The following NFIC variants were observed in gnomAD, a reference collection of about 807,000 sequenced individuals.
The protein encoded by NFIC is nuclear factor I C.
NFIC carries 12 observed loss-of-function variants against 54.4 expected under a neutral mutation model. The observed-to-expected ratio is 0.22, with a 90% CI of 0.14 to 0.36. The LOEUF is 0.36. Ranked by LOEUF, NFIC falls within the 10% of genes least tolerant of loss-of-function variation. NFIC has a pLI of 1.00. For missense variants in NFIC, 575 were observed against 718.2 expected (o/e 0.80, Z 2.28); for synonymous variants, 322 against 319.2 (o/e 1.01, Z -0.09).
At chr19:3,403,790 A>C (rs2081594465) in intron 2 of NFIC, among the ~76,000 whole-genome samples, 2 of 152,100 alleles carry the variant, frequency 1.3e-5, no homozygotes, top group Non-Finnish European at 2.9e-5. Flanking sequence ...TATCAGAAGG[A>C]AGGGGAAGCC....
At chr19:3,381,009 C>T (rs2081196709) in intron 1 of NFIC, among the ~76,000 whole-genome samples, 1 of 152,090 alleles carries the variant, frequency 6.6e-6, no homozygotes, top group Non-Finnish European at 1.5e-5. Context: ...TTCTCCCAAC[C>T]TCAGTTTTAC....
At chr19:3,407,130 T>C (rs988768919) in intron 2 of NFIC, among the ~76,000 whole-genome samples, 2 of 152,192 alleles carry the variant, frequency 1.3e-5, no homozygotes, top group African/African-American at 4.8e-5. Flanking sequence ...TTTTTTGTTT[T>C]TGAGGTGGAG....
rs1472073734 is a variant in NFIC, at chr19:3,463,932, C to T, written c.*1163C>T. Reference sequence around the variant, plus strand: ...CCTCCCCTCCAGCCTCTCCACCAGCCCCTCCAGTCAACCCTCATCGCCGTG... The same window carrying T: ...CCTCCCCTCCAGCCTCTCCACCAGCTCCTCCAGTCAACCCTCATCGCCGTG... On this transcript the variant is annotated 3_prime_UTR_variant, in exon 11 of 11. Coordinates refer to ENST00000443272, the MANE Select transcript of NFIC (RefSeq NM_001245002.2). 6 of 984,004 alleles carry T rather than the reference C, an allele frequency of 6.1e-6. No homozygotes were observed. The highest frequency in any genetic ancestry group is 7.2e-6 in the Non-Finnish European group (6 of 828,922). 61.0% of individuals were successfully genotyped at this position (984,004 alleles called of 1,614,324 possible). A position where few individuals can be genotyped will look rare whatever the true frequency, so the allele number is the denominator to read the frequency against.
chr19:3,438,519 G>C (rs1298703000), intron 6 of NFIC, among the ~76,000 whole-genome samples: 1 of 148,924 alleles, frequency 6.7e-6, no homozygotes, highest in Non-Finnish European at 1.5e-5. Context: ...CTCACTGCAA[G>C]CTCCGCTTCC....
chr19:3,369,390 C>G lies in NFIC; in HGVS notation c.30+2724C>G, dbSNP rs1008647400. Among the ~76,000 whole-genome samples, 8 of 152,178 alleles carry G rather than the reference C, an allele frequency of 5.3e-5. No individual in the cohort carries two copies. The highest frequency in any genetic ancestry group is 7.4e-5 in the Non-Finnish European group (5 of 68,024). On this transcript the variant is annotated intron_variant, in intron 1 of 10. Coordinates refer to ENST00000443272, the MANE Select transcript of NFIC (RefSeq NM_001245002.2). The surrounding 1 kb of genome is among the most constrained non-coding windows in gnomAD (Gnocchi z 4.3). ...TGTCTCCTTACTCCTCTCTCTCTGT[C>G]TCTCTCTGTCTCTGGGCCTCCCTCT... is the stretch of plus-strand genomic sequence containing the variant.
At chr19:3,401,557 C>T (rs1008647547) in intron 2 of NFIC, among the ~76,000 whole-genome samples, 2 of 152,170 alleles carry the variant, frequency 1.3e-5, no homozygotes, top group Non-Finnish European at 2.9e-5. Flanking sequence ...GGGAAGGGAG[C>T]GGCGCAGCAC....
intron 2 of NFIC, among the ~76,000 whole-genome samples, chr19:3,387,572 G>T (rs780272894): frequency 1.3e-5 from 2 of 152,098 alleles, no homozygotes; most frequent in African/African-American, 2.4e-5. Context: ...GGACATGGAG[G>T]GGGGCTGGGG....
chr19:3,462,434 C>G (rs1439085523), intron 10 of NFIC, among the ~76,000 whole-genome samples: 1 of 152,146 alleles, frequency 6.6e-6, no homozygotes, highest in East Asian at 1.9e-4. Context: ...ATAAATGGAT[C>G]TTTTGTGTGT....
At chr19:3,451,615 A>G (rs2082463800) in intron 7 of NFIC, among the ~76,000 whole-genome samples, 1 of 146,632 alleles carries the variant, frequency 6.8e-6, no homozygotes, top group African/African-American at 2.6e-5. Context: ...TGGGTGACAA[A>G]GCGAGATTCT....
intron 9 of NFIC, 50 bp from the exon 10 acceptor site, chr19:3,456,500 G>A (rs1162965593): frequency 1.3e-6 from 2 of 1,537,264 alleles, no homozygotes; most frequent in African/African-American, 2.8e-5. Context: ...GGCCGCCCCG[G>A]CTCCCACAAC....
rs1186312058 is a variant in NFIC at position 3,465,457 on chromosome 19, A to G, written c.*2688A>G. 1 of 146,364 alleles carries G rather than the reference A, an allele frequency of 6.8e-6. No individual in the cohort carries two copies. The highest frequency in any genetic ancestry group is 1.5e-5 in the Non-Finnish European group (1 of 66,574). 9.1% of individuals were successfully genotyped at this position (146,364 alleles called of 1,614,324 possible). On this transcript the variant is annotated 3_prime_UTR_variant, in exon 11 of 11. Transcript: ENST00000443272. ...AAAAAAAAAAAAAAAAAAAAAAAGGAAGAAAAACCACGCTAAAAATCAAGC... is the reference window on the plus strand; with the variant it reads ...AAAAAAAAAAAAAAAAAAAAAAAGGGAGAAAAACCACGCTAAAAATCAAGC...
Position 3,453,802 on chromosome 19 carries a change from C to T in NFIC, c.1309C>T (p.Leu437Phe). 6.2e-7 allele frequency: 1 copy of T among 1,606,534 alleles called. No homozygotes were observed. The highest frequency in any genetic ancestry group is 8.5e-7 in the Non-Finnish European group (1 of 1,176,916). ...TCAGCTCAAAATGCCCAGCCACTGCCTTTCTGCTCAGATGCTGGCACCTCC... is the reference window on the plus strand; with the variant it reads ...TCAGCTCAAAATGCCCAGCCACTGCTTTTCTGCTCAGATGCTGGCACCTCC... Reference protein sequence around the residue: ...SGQLKMPSHCLSAQMLAPPPP... With the variant: ...SGQLKMPSHCFSAQMLAPPPP... Residue 437 changes from leucine to phenylalanine, a missense_variant, in exon 9 of 11, where the codon CTT (leucine) becomes TTT (phenylalanine). By Grantham distance (22) the Leu-to-Phe change is conservative. This residue lies in a region of NFIC where 447 missense variants were observed against 526.9 expected (regional missense o/e 0.85). Transcript: ENST00000443272. This position sits in a 1 kb window ranked among gnomAD's most constrained non-coding sequence, Gnocchi z 6.7.
intron 2 of NFIC, among the ~76,000 whole-genome samples, chr19:3,397,756 C>T (rs971970707): frequency 2.0e-5 from 3 of 152,200 alleles, no homozygotes; most frequent in Non-Finnish European, 2.9e-5. Context: ...GCCCAGGCAG[C>T]GTGGCTACCT....
At position 3,367,503 on chromosome 19, in the gene NFIC, C is replaced by A. The variant is rs1029071026; in HGVS notation, c.30+837C>A. On this transcript the variant is annotated intron_variant, in intron 1 of 10. Coordinates refer to ENST00000443272, the MANE Select transcript of NFIC (RefSeq NM_001245002.2). ...CCCCCTCCCCCTCCCCCTCCCGTAG[C>A]CTCTCACCCCTGGCCGCACTCCCAG... Among the ~76,000 whole-genome samples the A allele has an allele frequency of 5.9e-5, 9 of 152,054 alleles. 1 individual carries two copies. Among genetic ancestry groups the A allele is most frequent in the Admixed American group, 5.2e-4 (8 of 15,288 alleles).
intron 6 of NFIC, among the ~76,000 whole-genome samples, chr19:3,446,290 G>A (rs893970040): frequency 2.6e-5 from 4 of 152,192 alleles, no homozygotes; most frequent in Non-Finnish European, 2.9e-5. Context: ...CTCGTGGAGG[G>A]TCCATGGGAT....
At chr19:3,389,886 A>C (rs1242147588) in intron 2 of NFIC, among the ~76,000 whole-genome samples, 1 of 152,258 alleles carries the variant, frequency 6.6e-6, no homozygotes, top group Non-Finnish European at 1.5e-5. Flanking sequence ...CAGGAGGCTA[A>C]GGCAGGAGAA....
At chr19:3,440,181 C>CTGT (rs925887756) in intron 6 of NFIC, among the ~76,000 whole-genome samples, 3 of 152,090 alleles carry the variant, frequency 2.0e-5, no homozygotes, top group Non-Finnish European at 4.4e-5. Flanking sequence ...AGGAGTTGCA[C>CTGT]TGTGGATGTT....
rs2082615142 is a variant in NFIC, at chr19:3,459,866, G to A, written c.1510-2886G>A. On this transcript the variant is annotated intron_variant, in intron 10 of 10. Transcript: ENST00000443272. The surrounding 1 kb of genome is among the most constrained non-coding windows in gnomAD (Gnocchi z 4.2). ...GGCCCAGTGGCTGCCTGGTTGGAGGGGCTCTGTTGAATGATTTGCTGCAGC... is the reference window on the plus strand; with the variant it reads ...GGCCCAGTGGCTGCCTGGTTGGAGGAGCTCTGTTGAATGATTTGCTGCAGC... Among the ~76,000 whole-genome samples, 1 of 152,206 alleles carries A rather than the reference G, an allele frequency of 6.6e-6. No homozygotes were observed. The highest frequency in any genetic ancestry group is 1.5e-5 in the Non-Finnish European group (1 of 68,020).
chr19:3,405,833 C>G (rs1381816026), intron 2 of NFIC, among the ~76,000 whole-genome samples: 1 of 152,020 alleles, frequency 6.6e-6, no homozygotes, highest in African/African-American at 2.4e-5. Flanking sequence ...GAACTCCTGA[C>G]CTCAGGTGAT....
Sources: gnomAD v4.1 joint callset for allele counts (sites outside exome capture counted in the v4.1 genomes callset) on GRCh38, gnomAD v4.1.1 for gene constraint, gnomAD v4.1.1 regional missense constraint, Gnocchi (gnomAD v3.1) non-coding constraint, MANE v1.5 for transcripts, NCBI Gene and HGNC (gene_info 2026-07-23, HGNC 2026-07-21) for gene names.